The following CRLF1 variants were observed in gnomAD, a reference collection of about 807,000 sequenced individuals.
CRLF1 encodes cytokine receptor-like factor 1.
In CRLF1, 36 loss-of-function variants were observed where a neutral mutation model predicts 48.9. That is an observed-to-expected ratio of 0.74 (90% confidence interval 0.56 to 0.97). The LOEUF (loss-of-function observed/expected upper bound fraction) is 0.97. Ranked by LOEUF, CRLF1 falls within the 50% of genes least tolerant of loss-of-function variation. The pLI is 0.00. For synonymous variants in CRLF1, 256 were observed against 253.4 expected (o/e 1.01, Z -0.10); for missense variants, 534 against 575.1 (o/e 0.93, Z 0.73).
chr19:18,604,054 G>A (rs1012276036), intron 1 of CRLF1, among the ~76,000 whole-genome samples: 3 of 152,272 alleles, frequency 2.0e-5, no homozygotes, highest in Middle Eastern at 3.4e-3. Context: ...TGGGAGGCAC[G>A]GCCAGGCCTG....
At chr19:18,600,930 A>G (rs893390650) in intron 1 of CRLF1, among the ~76,000 whole-genome samples, 8 of 151,808 alleles carry the variant, frequency 5.3e-5, no homozygotes, top group Admixed American at 3.3e-4. Context: ...CTCAGCTCCC[A>G]AGTAGCTGGG....
In CRLF1 at chr19:18,599,864, C is replaced by T; in HGVS notation, c.116-18G>A. On this transcript the variant is annotated intron_variant, in intron 1 of 8. Coordinates refer to ENST00000392386, the MANE Select transcript of CRLF1 (RefSeq NM_004750.5). The stretch of plus-strand genomic sequence containing the variant: ...AGCTGTGTCTGGGGTCAAAGAGGAA[C>T]ACGTGTCAGGCCAGGGCGGGGACCC... 1 of 1,508,286 alleles carries T rather than the reference C, an allele frequency of 6.6e-7. No homozygotes were observed. The allele number at this position is 1,508,286 out of a possible 1,614,324, so 93.4% of individuals were successfully genotyped here. A position where few individuals can be genotyped will look rare whatever the true frequency, so the allele number is the denominator to read the frequency against.
chr19:18,593,683 G>T, intron 8 of CRLF1, 104 bp from the exon 9 acceptor site: 1 of 1,544,056 alleles, frequency 6.5e-7, no homozygotes. Context: ...CACCGCTTCT[G>T]GCTGTGTGAC....
At position 18,598,753 on chromosome 19, in the gene CRLF1, C is replaced by A. The variant is rs769444550; in HGVS notation, c.527+19G>T. 1 of 1,614,076 alleles carries A rather than the reference C, an allele frequency of 6.2e-7. No homozygotes were observed. Among genetic ancestry groups the A allele is most frequent in the African/African-American group, 1.3e-5 (1 of 75,022 alleles). ...CAGCCAGCCTGGGACACACACATCG[C>A]CCTCAGGCCACCACCAACCTAAGCT... On this transcript the variant is annotated intron_variant, in intron 3 of 8. Coordinates refer to ENST00000392386, the MANE Select transcript of CRLF1 (RefSeq NM_004750.5).
intron 1 of CRLF1, among the ~76,000 whole-genome samples, chr19:18,600,431 C>T (rs905698064): frequency 3.3e-5 from 5 of 151,772 alleles, no homozygotes; most frequent in African/African-American, 7.3e-5. Context: ...TGCAGTGGCA[C>T]GATCTCGGCT....
chr19:18,599,093 G>A lies in CRLF1; in HGVS notation c.398-192C>T, dbSNP rs573699418. 1.7e-5 allele frequency: 17 copies of A among 985,284 alleles called. No individual in the cohort carries two copies. In the African/African-American group the frequency reaches 2.6e-4, roughly 15 times the overall value. The allele number at this position is 985,284 out of a possible 1,614,324, so 61.0% of individuals were successfully genotyped here. A position where few individuals can be genotyped will look rare whatever the true frequency, so the allele number is the denominator to read the frequency against. ...CTGCAAGGGCTCTTGAGAGGCTGGT[G>A]ACTCGATCTCCGGGTTCTTTTTCTT... On this transcript the variant is annotated intron_variant, in intron 2 of 8. Transcript: ENST00000392386.
At chr19:18,602,783 C>T (rs8110573) in intron 1 of CRLF1, among the ~76,000 whole-genome samples, 31,557 of 145,714 alleles carry the variant, frequency 0.22, 3,674 homozygotes, top group East Asian at 0.49. Context: ...CAGTGTTCTA[C>T]TTTTTTTTTT....
At chr19:18,597,929 G>A (rs1568441010) in intron 4 of CRLF1, among the ~76,000 whole-genome samples, 1 of 152,116 alleles carries the variant, frequency 6.6e-6, no homozygotes, top group Non-Finnish European at 1.5e-5. Context: ...GGCCCCTGAG[G>A]GCAGCAGGGT....
chr19:18,596,814 A>G (rs754963858), intron 5 of CRLF1, 24 bp from the exon 6 acceptor site: 1 of 1,611,928 alleles, frequency 6.2e-7, no homozygotes, highest in South Asian at 1.1e-5. Context: ...ACAAGGTCAG[A>G]GTAGAGGGCG....
intron 4 of CRLF1, 85 bp downstream of exon 4, chr19:18,598,347 A>C: frequency 6.8e-7 from 1 of 1,468,110 alleles, no homozygotes; most frequent in Non-Finnish European, 9.2e-7. Context: ...CCTAGGAAAA[A>C]TGAGAAGGTG....
Position 18,598,584 on chromosome 19 carries a change from T to C in CRLF1, c.545A>G (p.Asn182Ser). 1 of 1,614,018 alleles carries C rather than the reference T, an allele frequency of 6.2e-7. No individual in the cohort carries two copies. Among genetic ancestry groups the C allele is most frequent in the South Asian group, 1.1e-5 (1 of 91,082 alleles). ...CACTGTGTGGTACTCCTCACATGTG[T>C]TGTCCTGGCCATACCACCTGCGGGG... ...KYKLRWYGQD[N>S]TCEEYHTVGP... is the part of the protein sequence containing the mutation. Residue 182 changes from asparagine (N) to serine (S), a missense_variant, in exon 4 of 9, where the codon AAC (asparagine) becomes AGC (serine). Transcript: ENST00000392386.
chr19:18,599,850 G>T lies in CRLF1; in HGVS notation c.116-4C>A. 1 of 1,516,950 alleles carries T rather than the reference G, an allele frequency of 6.6e-7. No homozygotes were observed. Among genetic ancestry groups the T allele is most frequent in the Non-Finnish European group, 8.8e-7 (1 of 1,131,072 alleles). 94.0% of individuals were successfully genotyped at this position (1,516,950 alleles called of 1,614,324 possible). On this transcript the variant is annotated splice_polypyrimidine_tract_variant and splice_region_variant and intron_variant, in intron 1 of 8. Coordinates refer to ENST00000392386, the MANE Select transcript of CRLF1 (RefSeq NM_004750.5). ...TGGGGACTGATCACAGCTGTGTCTG[G>T]GGTCAAAGAGGAACACGTGTCAGGC...
In CRLF1 at chr19:18,598,887, G is replaced by A. The variant is rs1265557235; in HGVS notation, c.412C>T (p.Pro138Ser). 9 of 1,613,968 alleles carry A rather than the reference G, an allele frequency of 5.6e-6. No homozygotes were observed. Among genetic ancestry groups the A allele is most frequent in the Admixed American group, 3.3e-5 (2 of 60,016 alleles). The change falls in exon 3 of 9, where the codon CCC (proline) becomes TCC (serine). Residue 138 changes from proline (P) to serine (S), a missense_variant. By Grantham distance (74) the Pro-to-Ser change is moderately conservative. This residue lies in a region of CRLF1 where 528 missense variants were observed against 555.7 expected (regional missense o/e 0.95). Transcript: ENST00000392386. ...CLYVGLPPEK[P>S]VNISCWSKNM... ...TTGGACCAGCAGCTGATGTTGACGGGTTTCTCTGGGGGCACTGGGAGAAGG... is the reference window on the plus strand; with the variant it reads ...TTGGACCAGCAGCTGATGTTGACGGATTTCTCTGGGGGCACTGGGAGAAGG...
Position 18,606,237 on chromosome 19 carries a change from G to C in CRLF1, c.115+305C>G, listed in dbSNP as rs1976293575. Among the ~76,000 whole-genome samples, 1 of 151,768 alleles carries C rather than the reference G, an allele frequency of 6.6e-6. No homozygotes were observed. The highest frequency in any genetic ancestry group is 1.5e-5 in the Non-Finnish European group (1 of 67,846). The stretch of plus-strand genomic sequence containing the variant: ...TCCACCGAAGCAGACGCGTGCGCCC[G>C]CCACGTCCTGGCATGCAGAGGGTCT... On this transcript the variant is annotated intron_variant, in intron 1 of 8. Transcript: ENST00000392386. The surrounding 1 kb of genome is among the most constrained non-coding windows in gnomAD (Gnocchi z 4.8).
intron 2 of CRLF1, 71 bp from the exon 3 acceptor site, chr19:18,598,972 T>C: frequency 6.3e-7 from 1 of 1,590,084 alleles, no homozygotes; most frequent in African/African-American, 1.3e-5. Flanking sequence ...GAGGGGTTGC[T>C]GCCCACCCAC....
chr19:18,594,030 G>GGGGGGGGGGCCCCCCCC, intron 8 of CRLF1, 35 bp downstream of exon 8: 3 of 1,315,312 alleles, frequency 2.3e-6, no homozygotes, highest in East Asian at 2.6e-5. Context: ...CCCTCCCCTT[G>GGGGGGGGGGCCCCCCCC]CTCCCTCCCG....
chr19:18,606,125 G>A lies in CRLF1; in HGVS notation c.115+417C>T, dbSNP rs1040162620. ...CCGTGGGGCTCATCCCTCCGCCTGGGGGGGCCCGCTGGGGGCCCGCACCCA... is the reference window on the plus strand; with the variant it reads ...CCGTGGGGCTCATCCCTCCGCCTGGAGGGGCCCGCTGGGGGCCCGCACCCA... On this transcript the variant is annotated intron_variant, in intron 1 of 8. Coordinates refer to ENST00000392386, the MANE Select transcript of CRLF1 (RefSeq NM_004750.5). This position sits in a 1 kb window ranked among gnomAD's most constrained non-coding sequence, Gnocchi z 4.8. Among the ~76,000 whole-genome samples the A allele has an allele frequency of 4.6e-5, 7 of 151,424 alleles. No individual in the cohort carries two copies. The highest frequency in any genetic ancestry group is 1.7e-4 in the African/African-American group (7 of 41,276).
chr19:18,593,742 CT>C (rs1976087819), intron 8 of CRLF1, 163 bp from the exon 9 acceptor site: 1 of 983,960 alleles, frequency 1.0e-6, no homozygotes, highest in Admixed American at 6.1e-5. Flanking sequence ...GCTATCTGAG[CT>C]GCAGGTAAAG....
chr19:18,594,120 G>A lies in CRLF1; in HGVS notation c.1213-13C>T. On this transcript the variant is annotated splice_polypyrimidine_tract_variant and intron_variant, in intron 7 of 8. Coordinates refer to ENST00000392386, the MANE Select transcript of CRLF1 (RefSeq NM_004750.5). ...GGATCCCCTCGTCCTGTGCTTGGAA[G>A]GAAGGCAGAGGTGTCGTGGGGGCTG... is the stretch of plus-strand genomic sequence containing the variant. The A allele has an allele frequency of 6.3e-7, 1 of 1,577,588 alleles. No individual in the cohort carries two copies. The highest frequency in any genetic ancestry group is 8.6e-7 in the Non-Finnish European group (1 of 1,163,100).
Sources: gnomAD v4.1 joint callset for allele counts (sites outside exome capture counted in the v4.1 genomes callset) on GRCh38, gnomAD v4.1.1 for gene constraint, gnomAD v4.1.1 regional missense constraint, Gnocchi (gnomAD v3.1) non-coding constraint, MANE v1.5 for transcripts, NCBI Gene and HGNC (gene_info 2026-07-23, HGNC 2026-07-21) for gene names.